ADGRL2: variants seen among roughly 807,000 people sequenced by gnomAD.
ADGRL2 encodes calcium-independent alpha-latrotoxin receptor 2.
In ADGRL2, 44 loss-of-function variants were observed where a neutral mutation model predicts 157.4. That is an observed-to-expected ratio of 0.28 (90% CI 0.22 to 0.36). ADGRL2 has a LOEUF of 0.36. Ranked by LOEUF, ADGRL2 falls within the 10% of genes least tolerant of loss-of-function variation. The pLI is 1.00. For missense variants in ADGRL2, 1,510 were observed against 1,768.9 expected (o/e 0.85, Z 2.63); for synonymous variants, 585 against 624.7 (o/e 0.94, Z 0.95).
chr1:81,653,575 A>G (rs1002986840), intron 3 of ADGRL2, among the ~76,000 whole-genome samples: 5 of 152,194 alleles, frequency 3.3e-5, no homozygotes, highest in African/African-American at 4.8e-5. Flanking sequence ...AATATCCACA[A>G]TGGGGTACAT....
intron 3 of ADGRL2, among the ~76,000 whole-genome samples, chr1:81,589,974 G>T (rs529592622): frequency 5.9e-5 from 9 of 152,238 alleles, no homozygotes; most frequent in African/African-American, 2.2e-4. Flanking sequence ...ACACTTACAT[G>T]ACCATACTCT....
intron 3 of ADGRL2, among the ~76,000 whole-genome samples, chr1:81,658,372 G>A (rs2082580601): frequency 6.6e-6 from 1 of 152,156 alleles, no homozygotes; most frequent in Admixed American, 6.5e-5. Context: ...TGGGATTACA[G>A]GTGTGAGCCA....
intron 1 of ADGRL2, among the ~76,000 whole-genome samples, chr1:81,404,800 A>C (rs1288029739): frequency 4.6e-5 from 7 of 152,030 alleles, no homozygotes; most frequent in Admixed American, 4.6e-4. Flanking sequence ...CAAAATCATC[A>C]TTTCTGTCTC....
intron 1 of ADGRL2, among the ~76,000 whole-genome samples, chr1:81,310,492 T>C (rs1659670293): frequency 6.6e-6 from 1 of 152,144 alleles, no homozygotes; most frequent in Non-Finnish European, 1.5e-5. Context: ...TCAGTAGCAA[T>C]TGAGCAAGCT....
chr1:81,388,650 A>T (rs2076480358), intron 1 of ADGRL2, among the ~76,000 whole-genome samples: 1 of 152,134 alleles, frequency 6.6e-6, no homozygotes, highest in African/African-American at 2.4e-5. Flanking sequence ...TTTCAACATG[A>T]GAGGGCACAG....
At chr1:81,713,773 A>G (rs541763306) in intron 1 of ADGRL2, among the ~76,000 whole-genome samples, 2 of 152,348 alleles carry the variant, frequency 1.3e-5, no homozygotes, top group East Asian at 3.9e-4. Flanking sequence ...TGATGGAAAT[A>G]TGCAAAGACC....
intron 1 of ADGRL2, among the ~76,000 whole-genome samples, chr1:81,801,496 C>T (rs2088129850): frequency 6.6e-6 from 1 of 152,218 alleles, no homozygotes; most frequent in Admixed American, 6.5e-5. Flanking sequence ...CGGGAGCTTA[C>T]CAGAGAATTC....
At position 81,643,948 on chromosome 1, in the gene ADGRL2, T is replaced by G. The variant is rs75533956; in HGVS notation, c.-143+62968T>G. Among the ~76,000 whole-genome samples the G allele has an allele frequency of 2.6e-3, 392 of 152,266 alleles. 3 individuals are homozygous for G. The highest frequency in any genetic ancestry group is 9.2e-3 in the African/African-American group (381 of 41,558). ...TAATATTGAAGGAAGAGAACAAAGT[T>G]GAAGGACTGATTCTACCCAACCTCA... On this transcript the variant is annotated intron_variant, in intron 3 of 24. Coordinates refer to the ADGRL2 transcript ENST00000370721.
chr1:81,905,100 T>G (rs1209962493), intron 2 of ADGRL2, among the ~76,000 whole-genome samples: 3 of 139,190 alleles, frequency 2.2e-5, no homozygotes, highest in African/African-American at 7.8e-5. Flanking sequence ...CTTACTATAC[T>G]TTTTTTTTTT....
At chr1:81,430,621 C>G (rs546592944) in intron 1 of ADGRL2, among the ~76,000 whole-genome samples, 1 of 152,170 alleles carries the variant, frequency 6.6e-6, no homozygotes, top group Non-Finnish European at 1.5e-5. Flanking sequence ...CCCCAGCCCC[C>G]CACTGATGTT....
At position 81,754,440 on chromosome 1, in the gene ADGRL2, TCTCCTC is replaced by T. The variant is rs147813577; in HGVS notation, c.-142-7354_-142-7349del. ...GGCTTTTTTATTTTCTCCTCCTCCT[TCTCCTC>T]CTCCTCCTCCTCCTCCCCCTTCTCC... On this transcript the variant is annotated intron_variant, in intron 1 of 20. Coordinates refer to the ADGRL2 transcript ENST00000359929. Among the ~76,000 whole-genome samples the T allele has an allele frequency of 7.0e-3, 919 of 131,236 alleles. 15 individuals are homozygous for T. Among genetic ancestry groups the T allele is most frequent in the African/African-American group, 0.025 (887 of 35,372 alleles). 86.1% of individuals were successfully genotyped at this position (131,236 alleles called of 152,430 possible).
At chr1:81,443,401 C>T (rs577950407) in intron 1 of ADGRL2, among the ~76,000 whole-genome samples, 4 of 150,416 alleles carry the variant, frequency 2.7e-5, no homozygotes, top group Admixed American at 1.3e-4. Context: ...CACACCATTA[C>T]AATCCAGCCT....
chr1:81,756,882 G>A (rs1018430640), intron 1 of ADGRL2, among the ~76,000 whole-genome samples: 1 of 152,096 alleles, frequency 6.6e-6, no homozygotes, highest in Admixed American at 6.6e-5. Flanking sequence ...TTGGGGACTA[G>A]GTTTACACAC....
chr1:81,875,220 C>A (rs2093807561), intron 2 of ADGRL2, among the ~76,000 whole-genome samples: 1 of 152,062 alleles, frequency 6.6e-6, no homozygotes, highest in South Asian at 2.1e-4. Context: ...AGAACAAAGG[C>A]AAATCAGAGT....
intron 3 of ADGRL2, among the ~76,000 whole-genome samples, chr1:81,612,905 T>C (rs2081571875): frequency 6.6e-6 from 1 of 152,168 alleles, no homozygotes; most frequent in East Asian, 1.9e-4. Context: ...CAAAAACACA[T>C]AATTAGCACT....
At chr1:81,619,646 A>G (rs1487143734) in intron 3 of ADGRL2, among the ~76,000 whole-genome samples, 1 of 152,196 alleles carries the variant, frequency 6.6e-6, no homozygotes, top group Non-Finnish European at 1.5e-5. Context: ...GGATGAAATA[A>G]CATACAGTGA....
intron 2 of ADGRL2, among the ~76,000 whole-genome samples, chr1:81,459,713 CACATATACACACACAT>C (rs1557704352): frequency 6.6e-6 from 1 of 151,600 alleles, no homozygotes; most frequent in African/African-American, 2.4e-5. Context: ...TACACACACA[CACATATACACACACAT>C]ACACACACAT....
chr1:81,497,663 T>C (rs1363351109), intron 2 of ADGRL2, among the ~76,000 whole-genome samples: 1 of 152,208 alleles, frequency 6.6e-6, no homozygotes, highest in Non-Finnish European at 1.5e-5. Flanking sequence ...AACCTTTCTC[T>C]ACCTCAATTT....
At chr1:81,832,132 T>G (rs2091982391) in intron 1 of ADGRL2, among the ~76,000 whole-genome samples, 1 of 152,094 alleles carries the variant, frequency 6.6e-6, no homozygotes, top group African/African-American at 2.4e-5. Context: ...GACATTGTAT[T>G]TCCTCCGAAC....
Sources: gnomAD v4.1 joint callset for allele counts (sites outside exome capture counted in the v4.1 genomes callset) on GRCh38, gnomAD v4.1.1 for gene constraint, MANE v1.5 for transcripts, NCBI Gene and HGNC (gene_info 2026-07-23, HGNC 2026-07-21) for gene names.